The following YTHDC2 variants were observed in gnomAD, a reference collection of about 807,000 sequenced individuals.
YTHDC2 encodes the protein 3'-5' RNA helicase YTHDC2.
Under a neutral mutation model 174.9 loss-of-function variants are expected in YTHDC2, and 45 were observed. That is an observed-to-expected ratio of 0.26 (90% CI 0.20 to 0.33). YTHDC2 has a LOEUF of 0.33. Among genes scored for constraint, YTHDC2 ranks in the 10% least tolerant of loss-of-function variants. The pLI is 1.00. For synonymous variants in YTHDC2, 657 were observed against 574.5 expected (o/e 1.14, Z -2.05); for missense variants, 1,650 against 1,723.7 (o/e 0.96, Z 0.76).
intron 8 of YTHDC2, among the ~76,000 whole-genome samples, chr5:113,540,063 T>C (rs1775344731): frequency 6.6e-6 from 1 of 152,154 alleles, no homozygotes. Flanking sequence ...ATTTTTAAAA[T>C]ATTTTGTAGA....
At chr5:113,576,083 T>C (rs1778028056) in intron 23 of YTHDC2, among the ~76,000 whole-genome samples, 1 of 150,540 alleles carries the variant, frequency 6.6e-6, no homozygotes, top group Non-Finnish European at 1.5e-5. Flanking sequence ...AAGTTTGAGA[T>C]GGCTAAGACA....
chr5:113,567,886 GA>G (rs753114410), intron 23 of YTHDC2, 37 bp downstream of exon 23: 2 of 1,390,268 alleles, frequency 1.4e-6, no homozygotes, highest in South Asian at 1.9e-5. Flanking sequence ...TATTTGAAAT[GA>G]ATTTTTTTTT....
chr5:113,542,175 G>A (rs1315781108), intron 9 of YTHDC2, among the ~76,000 whole-genome samples, 193 bp from the exon 10 acceptor site: 1 of 152,164 alleles, frequency 6.6e-6, no homozygotes, highest in Non-Finnish European at 1.5e-5. Context: ...TCAGATAAAA[G>A]TTGAGTATAA....
At chr5:113,568,546 C>G (rs1180520721) in intron 23 of YTHDC2, among the ~76,000 whole-genome samples, 1 of 152,132 alleles carries the variant, frequency 6.6e-6, no homozygotes, top group Admixed American at 6.5e-5. Flanking sequence ...CCCAGTAGGC[C>G]CCAGTGTGTG....
At chr5:113,545,307 G>T (rs1421482046) in intron 10 of YTHDC2, among the ~76,000 whole-genome samples, 1 of 151,450 alleles carries the variant, frequency 6.6e-6, no homozygotes, top group Non-Finnish European at 1.5e-5. Flanking sequence ...TTTTCTCTTT[G>T]TAAATGTGTG....
At chr5:113,585,221 T>A (rs894012458) in intron 26 of YTHDC2, among the ~76,000 whole-genome samples, 2 of 151,736 alleles carry the variant, frequency 1.3e-5, no homozygotes, top group Non-Finnish European at 1.5e-5. Context: ...CAAGATGGGA[T>A]AGGGTTAGGA....
In YTHDC2 at chr5:113,514,073, G is replaced by A. The variant is rs780682243; in HGVS notation, c.178G>A (p.Asp60Asn). ...CGCGCTGGAGCGCTTCCGATACGGG[G>A]ACCAGAGAGGTGAGGTTCCGGACAG... ...NIALERFRYG[D>N]QREMEFPSSL... The change falls in exon 1 of 30, where the codon GAC becomes AAC. Residue 60 changes from aspartate to asparagine, a missense_variant. This residue lies in a region of YTHDC2 where 304 missense variants were observed against 341.4 expected (regional missense o/e 0.89). Transcript: ENST00000161863. The A allele has an allele frequency of 6.2e-7, 1 of 1,611,690 alleles. No homozygotes were observed. Among genetic ancestry groups the A allele is most frequent in the South Asian group, 1.1e-5 (1 of 90,542 alleles).
chr5:113,547,430 A>T (rs773473429), intron 10 of YTHDC2, among the ~76,000 whole-genome samples: 2 of 152,186 alleles, frequency 1.3e-5, no homozygotes, highest in African/African-American at 4.8e-5. Flanking sequence ...AATACATGCC[A>T]TTATATATTT....
At position 113,548,523 on chromosome 5, in the gene YTHDC2, A is replaced by G; in HGVS notation, c.1496-18A>G. On this transcript the variant is annotated intron_variant, in intron 10 of 29. Transcript: ENST00000161863. The stretch of plus-strand genomic sequence containing the variant: ...TACTTTGGAAATTTAAGTTTTATTT[A>G]TCTTTTCCTTTTTTTAGTTGATTAC... 6.4e-7 allele frequency: 1 copy of G among 1,572,590 alleles called. No individual in the cohort carries two copies. The highest frequency in any genetic ancestry group is 8.6e-7 in the Non-Finnish European group (1 of 1,164,854).
At chr5:113,520,694 C>G (rs975542654) in intron 2 of YTHDC2, among the ~76,000 whole-genome samples, 7 of 152,072 alleles carry the variant, frequency 4.6e-5, no homozygotes, top group Non-Finnish European at 8.8e-5. Context: ...ACCAATGGTT[C>G]TTTCTTATAC....
chr5:113,559,305 C>T (rs1334144282), intron 17 of YTHDC2, among the ~76,000 whole-genome samples: 6 of 152,126 alleles, frequency 3.9e-5, no homozygotes, highest in Admixed American at 6.5e-5. Context: ...CTTGTTATAA[C>T]GTATCTGAAC....
chr5:113,524,900 A>C (rs1774110151), intron 2 of YTHDC2, 81 bp from the exon 3 acceptor site: 1 of 1,033,436 alleles, frequency 9.7e-7, no homozygotes, highest in Non-Finnish European at 1.3e-6. Context: ...TTTGCTTGAG[A>C]CATATTTTCT....
intron 17 of YTHDC2, among the ~76,000 whole-genome samples, chr5:113,560,211 A>G (rs905551849): frequency 2.0e-5 from 3 of 152,176 alleles, no homozygotes; most frequent in Admixed American, 6.5e-5. Context: ...TAAAATACCT[A>G]TAAAGGACTC....
intron 2 of YTHDC2, among the ~76,000 whole-genome samples, chr5:113,523,600 A>G (rs1774021324): frequency 6.6e-6 from 1 of 152,168 alleles, no homozygotes; most frequent in African/African-American, 2.4e-5. Flanking sequence ...TCTTTATAGC[A>G]TCATTTTAAG....
chr5:113,556,076 G>T lies in YTHDC2; in HGVS notation c.2158G>T (p.Val720Phe). 6.2e-7 allele frequency: 1 copy of T among 1,607,132 alleles called. No individual in the cohort carries two copies. The highest frequency in any genetic ancestry group is 8.5e-7 in the Non-Finnish European group (1 of 1,174,946). ...GAAATCCTTTGATGCTCTGAATTTT[G>T]TTACAATGTTAAAAATGGTATGGAT... is the stretch of plus-strand genomic sequence containing the variant. ...KEKSFDALNFVTMLKMVWISK... is the reference protein window; with the variant it reads ...KEKSFDALNFFTMLKMVWISK... Residue 720 changes from valine (V) to phenylalanine (F), a missense_variant, in exon 17 of 30, where the codon GTT becomes TTT. Transcript: ENST00000161863.
At chr5:113,568,798 A>C (rs998891260) in intron 23 of YTHDC2, among the ~76,000 whole-genome samples, 4 of 151,994 alleles carry the variant, frequency 2.6e-5, no homozygotes, top group African/African-American at 7.3e-5. Context: ...GGTTGATTCC[A>C]TGTCTTTACT....
chr5:113,518,475 T>TA (rs1399587856), intron 2 of YTHDC2, among the ~76,000 whole-genome samples: 1 of 151,934 alleles, frequency 6.6e-6, no homozygotes, highest in African/African-American at 2.4e-5. Flanking sequence ...GTACTAAGAT[T>TA]ACAGACATGA....
rs749279725 is a variant in YTHDC2, at chr5:113,513,936, C to CTGGCGG, written c.48_53dup (p.Gly20_Gly21dup). ...AGCGTCTCCCCGCGGCAGCCGGCTC[C>CTGGCGG]TGGCGGTGGCGGAGGCGGCGGCCCC... On this transcript the variant is annotated inframe_insertion, in exon 1 of 30. Coordinates refer to ENST00000161863, the MANE Select transcript of YTHDC2 (RefSeq NM_022828.5). 984 of 1,605,780 alleles carry CTGGCGG rather than the reference C, an allele frequency of 6.1e-4. No individual in the cohort carries two copies. The highest frequency in any genetic ancestry group is 1.4e-3 in the South Asian group (129 of 90,274).
intron 21 of YTHDC2, among the ~76,000 whole-genome samples, chr5:113,566,709 G>C (rs989694160): frequency 7.9e-5 from 12 of 152,092 alleles, no homozygotes; most frequent in Admixed American, 2.6e-4. Context: ...TACAGAATTA[G>C]TATCTATCAT....
Sources: gnomAD v4.1 joint callset for allele counts (sites outside exome capture counted in the v4.1 genomes callset) on GRCh38, gnomAD v4.1.1 for gene constraint, gnomAD v4.1.1 regional missense constraint, MANE v1.5 for transcripts, NCBI Gene and HGNC (gene_info 2026-07-23, HGNC 2026-07-21) for gene names.